The following NWD2 variants were observed in gnomAD, a reference collection of about 807,000 sequenced individuals.
NWD2 encodes NACHT and WD repeat domain-containing protein 2.
Under a neutral mutation model 132.7 loss-of-function variants are expected in NWD2, and 37 were observed. The ratio of observed to expected loss-of-function variants is 0.28; its 90% confidence interval spans 0.21 to 0.37. NWD2 has a LOEUF of 0.37. NWD2 is among the 10% of genes least tolerant of loss of function. The pLI, the probability that NWD2 is intolerant of heterozygous loss-of-function variation, is 1.00. For synonymous variants in NWD2, 705 were observed against 803.0 expected (o/e 0.88, Z 2.06); for missense variants, 1,592 against 2,122.4 (o/e 0.75, Z 4.91).
intron 1 of NWD2, among the ~76,000 whole-genome samples, chr4:37,290,855 G>C (rs2040052): frequency 0.022 from 3,343 of 152,268 alleles, 124 homozygotes; most frequent in African/African-American, 0.076. Flanking sequence ...TTTTAAATTA[G>C]TTTCTGAGTT....
In NWD2 at chr4:37,447,286, G is replaced by A. The variant is rs1332599675; in HGVS notation, c.*69G>A. ...GAAGGGAAAAAAATGTGCCCCAAAT[G>A]ATAAACTATTCATTTATTAAAAGGC... On this transcript the variant is annotated 3_prime_UTR_variant, in exon 7 of 7. Transcript: ENST00000309447. The A allele has an allele frequency of 4.0e-5, 47 of 1,173,844 alleles. No individual in the cohort carries two copies. Among genetic ancestry groups the A allele is most frequent in the Admixed American group, 2.1e-4 (8 of 37,414 alleles). The allele number at this position is 1,173,844 out of a possible 1,614,324, so 72.7% of individuals were successfully genotyped here. A position where few individuals can be genotyped will look rare whatever the true frequency, so the allele number is the denominator to read the frequency against.
chr4:37,407,916 G>A (rs1374622807), intron 3 of NWD2, among the ~76,000 whole-genome samples: 5 of 152,162 alleles, frequency 3.3e-5, no homozygotes, highest in Admixed American at 1.3e-4. Context: ...CGCCTCACCC[G>A]GGAAGTGCAT....
chr4:37,363,165 G>C (rs1368582686), intron 3 of NWD2, among the ~76,000 whole-genome samples: 1 of 152,176 alleles, frequency 6.6e-6, no homozygotes, highest in Non-Finnish European at 1.5e-5. Flanking sequence ...ACAGATGCTG[G>C]TGAGGCTGTA....
At chr4:37,360,009 G>T (rs1159432106) in intron 3 of NWD2, among the ~76,000 whole-genome samples, 1 of 152,146 alleles carries the variant, frequency 6.6e-6, no homozygotes, top group Non-Finnish European at 1.5e-5. Context: ...GTAGAGAGAG[G>T]CAAGTACAGT....
At chr4:37,391,907 ATAAAT>A (rs1720685833) in intron 3 of NWD2, among the ~76,000 whole-genome samples, 2 of 152,194 alleles carry the variant, frequency 1.3e-5, no homozygotes, top group Non-Finnish European at 2.9e-5. Context: ...TGTTCGTTTA[ATAAAT>A]TAAAACACGG....
intron 3 of NWD2, among the ~76,000 whole-genome samples, chr4:37,358,454 G>A (rs372423750): frequency 5.9e-5 from 9 of 152,244 alleles, no homozygotes; most frequent in East Asian, 1.9e-4. Context: ...AGCAAGTAGC[G>A]GAAGAGATTC....
chr4:37,341,237 G>A (rs1465009774), intron 2 of NWD2, among the ~76,000 whole-genome samples: 2 of 152,150 alleles, frequency 1.3e-5, no homozygotes, highest in East Asian at 3.8e-4. Flanking sequence ...CCCAGCTGTA[G>A]TCTAACATAA....
At chr4:37,325,119 T>C (rs767538693) in intron 1 of NWD2, among the ~76,000 whole-genome samples, 1 of 152,174 alleles carries the variant, frequency 6.6e-6, no homozygotes, top group Non-Finnish European at 1.5e-5. Context: ...CCATCATCAA[T>C]GCAGAATTGT....
At chr4:37,320,510 A>G (rs1719047072) in intron 1 of NWD2, among the ~76,000 whole-genome samples, 2 of 152,080 alleles carry the variant, frequency 1.3e-5, no homozygotes, top group African/African-American at 4.8e-5. Context: ...AGAGAAGGTG[A>G]GTGAAAATAG....
chr4:37,343,583 T>A (rs1430365483), intron 2 of NWD2, among the ~76,000 whole-genome samples: 1 of 152,236 alleles, frequency 6.6e-6, no homozygotes. Context: ...CTTTGAAGAA[T>A]AGCCTTCATT....
chr4:37,289,541 T>C, intron 1 of NWD2, among the ~76,000 whole-genome samples: 1 of 152,250 alleles, frequency 6.6e-6, no homozygotes, highest in East Asian at 1.9e-4. Context: ...TTTTATTATA[T>C]GTATTTCACA....
chr4:37,309,654 A>T (rs552888465), intron 1 of NWD2, among the ~76,000 whole-genome samples: 4 of 152,102 alleles, frequency 2.6e-5, no homozygotes, highest in Admixed American at 6.5e-5. Flanking sequence ...AAAGCCTGTG[A>T]ATACTGTAGG....
At chr4:37,274,516 G>A (rs1037922621) in intron 1 of NWD2, among the ~76,000 whole-genome samples, 20 of 152,256 alleles carry the variant, frequency 1.3e-4, no homozygotes, top group African/African-American at 4.6e-4. Context: ...GAAGGAGCTG[G>A]TACCATTCCT....
intron 3 of NWD2, among the ~76,000 whole-genome samples, chr4:37,394,805 T>TTTTTTTTTGTTTTG: frequency 1.0e-5 from 1 of 96,438 alleles, no homozygotes; most frequent in Admixed American, 1.2e-4. Flanking sequence ...TATGGTTTTT[T>TTTTTTTTTGTTTTG]TTTTTTTTTT....
At chr4:37,314,871 A>G (rs1718927954) in intron 1 of NWD2, among the ~76,000 whole-genome samples, 1 of 151,992 alleles carries the variant, frequency 6.6e-6, no homozygotes, top group South Asian at 2.1e-4. Context: ...ACTGATTTTA[A>G]CCTTTACTTT....
chr4:37,297,983 A>G (rs1359345673), intron 1 of NWD2, among the ~76,000 whole-genome samples: 1 of 152,108 alleles, frequency 6.6e-6, no homozygotes, highest in Non-Finnish European at 1.5e-5. Flanking sequence ...TTGAACAAAG[A>G]TGTTTCTTGG....
chr4:37,402,778 A>G (rs915675740), intron 3 of NWD2, among the ~76,000 whole-genome samples: 2 of 152,216 alleles, frequency 1.3e-5, no homozygotes, highest in African/African-American at 4.8e-5. Flanking sequence ...CAATTTCCTC[A>G]TCTCTGAAAT....
chr4:37,250,135 G>A (rs1297347616), intron 1 of NWD2, among the ~76,000 whole-genome samples: 3 of 147,860 alleles, frequency 2.0e-5, no homozygotes, highest in African/African-American at 7.5e-5. Flanking sequence ...AAAAAATACA[G>A]CAAAAAGCAT....
At chr4:37,257,121 C>T (rs1443757460) in intron 1 of NWD2, among the ~76,000 whole-genome samples, 1 of 152,188 alleles carries the variant, frequency 6.6e-6, no homozygotes, top group East Asian at 1.9e-4. Flanking sequence ...CCACAGCCAG[C>T]ACCACCTGGC....
Sources: gnomAD v4.1 joint callset for allele counts (sites outside exome capture counted in the v4.1 genomes callset) on GRCh38, gnomAD v4.1.1 for gene constraint, MANE v1.5 for transcripts, NCBI Gene and HGNC (gene_info 2026-07-23, HGNC 2026-07-21) for gene names.